The following CLASP1 variants were observed in gnomAD, a reference collection of about 807,000 sequenced individuals.
The protein encoded by CLASP1 is cytoplasmic linker associated protein 1.
CLASP1 carries 38 observed loss-of-function variants against 192.3 expected under a neutral mutation model. The ratio of observed to expected loss-of-function variants is 0.20; its 90% CI spans 0.15 to 0.26. The LOEUF is 0.26. CLASP1 is among the 10% of genes least tolerant of loss of function. CLASP1 has a pLI of 1.00. For missense variants in CLASP1, 1,433 were observed against 1,932.5 expected (o/e 0.74, Z 4.85); for synonymous variants, 691 against 712.8 (o/e 0.97, Z 0.49).
At chr2:121,462,647 C>A (rs752734945) in intron 9 of CLASP1, 42 bp from the exon 10 acceptor site, 12 of 1,138,892 alleles carry the variant, frequency 1.1e-5, no homozygotes, top group South Asian at 1.0e-4. Flanking sequence ...TATGAAACAA[C>A]GTCTATAACA....
intron 1 of CLASP1, among the ~76,000 whole-genome samples, chr2:121,615,156 A>G (rs2066242709): frequency 6.6e-6 from 1 of 152,134 alleles, no homozygotes; most frequent in Non-Finnish European, 1.5e-5. Context: ...CCTGGCCAAC[A>G]TGGCAAAACC....
At chr2:121,507,673 C>A (rs918811983) in intron 7 of CLASP1, among the ~76,000 whole-genome samples, 1 of 152,098 alleles carries the variant, frequency 6.6e-6, no homozygotes, top group Admixed American at 6.5e-5. Flanking sequence ...ATATATTTAA[C>A]AAGCTACTCC....
Position 121,383,257 on chromosome 2 carries a change from G to A in CLASP1, c.3375-933C>T, listed in dbSNP as rs368402750. Among the ~76,000 whole-genome samples, 75 of 152,326 alleles carry A rather than the reference G, an allele frequency of 4.9e-4. 1 individual carries two copies. In the South Asian group the frequency reaches 0.014, roughly 29 times the overall value. ...CCTGCCACTGGCATTCACTGGCATC[G>A]TCACAGCAGGAGCCTCTGCATGCTA... On this transcript the variant is annotated intron_variant, in intron 32 of 39. Coordinates refer to ENST00000263710, the Ensembl canonical transcript of CLASP1.
chr2:121,506,210 G>A (rs1199072310), intron 7 of CLASP1, among the ~76,000 whole-genome samples: 3 of 152,158 alleles, frequency 2.0e-5, no homozygotes, highest in Middle Eastern at 6.3e-3. Flanking sequence ...TGGCAAGTGT[G>A]AAAACCAGCA....
At chr2:121,402,681 CAG>C (rs542400192) in intron 26 of CLASP1, 74 of 518,600 alleles carry the variant, frequency 1.4e-4, no homozygotes, top group South Asian at 9.9e-4. Flanking sequence ...TGACAGGTAA[CAG>C]AAATTTATCA....
chr2:121,632,967 T>G (rs1050814518), intron 1 of CLASP1, among the ~76,000 whole-genome samples: 10 of 86,166 alleles, frequency 1.2e-4, no homozygotes, highest in Admixed American at 7.5e-4. Flanking sequence ...CAGAGGGAGG[T>G]GTGTGTGTGT....
intron 34 of CLASP1, 104 bp from the exon 36 acceptor site, chr2:121,367,935 G>C (rs2149265833): frequency 6.9e-7 from 1 of 1,444,676 alleles, no homozygotes; most frequent in South Asian, 1.3e-5. Flanking sequence ...CTTGAAATAT[G>C]TATGGCCAGT....
chr2:121,448,088 A>C (rs2084706347), intron 18 of CLASP1, among the ~76,000 whole-genome samples, 188 bp downstream of exon 18: 1 of 152,250 alleles, frequency 6.6e-6, no homozygotes, highest in African/African-American at 2.4e-5. Context: ...TGTTGTCCTC[A>C]GCAGCGAGTG....
intron 7 of CLASP1, chr2:121,503,697 T>G (rs2093839342): frequency 6.5e-6 from 1 of 152,826 alleles, no homozygotes; most frequent in Non-Finnish European, 1.5e-5. Flanking sequence ...CTGTGATTCA[T>G]GCTTAATCCA....
At chr2:121,386,750 A>T (rs1329184199) in intron 32 of CLASP1, among the ~76,000 whole-genome samples, 1 of 152,214 alleles carries the variant, frequency 6.6e-6, no homozygotes, top group Non-Finnish European at 1.5e-5. Context: ...TGACTATAAC[A>T]AGTTGGCTTG....
intron 2 of CLASP1, among the ~76,000 whole-genome samples, chr2:121,577,372 C>G (rs1486935024): frequency 1.3e-5 from 2 of 152,032 alleles, no homozygotes; most frequent in Admixed American, 6.6e-5. Flanking sequence ...GATCATAACA[C>G]ATAAAAAGGA....
chr2:121,627,005 T>C (rs181083647), intron 1 of CLASP1, among the ~76,000 whole-genome samples: 2 of 151,800 alleles, frequency 1.3e-5, no homozygotes, highest in East Asian at 3.9e-4. Context: ...AACCATCACA[T>C]GCATTCCCAC....
At chr2:121,404,935 A>G (rs2076695681) in intron 25 of CLASP1, among the ~76,000 whole-genome samples, 1 of 152,212 alleles carries the variant, frequency 6.6e-6, no homozygotes, top group African/African-American at 2.4e-5. Context: ...GAGAGGTACA[A>G]AACAAAAAAG....
chr2:121,648,434 C>T (rs1427985367), intron 1 of CLASP1, among the ~76,000 whole-genome samples: 4 of 152,178 alleles, frequency 2.6e-5, no homozygotes, highest in Admixed American at 2.6e-4. Flanking sequence ...ACGCACCCCA[C>T]TACACAGAAA....
At chr2:121,360,091 TAGTC>T (rs1299944871) in intron 37 of CLASP1, among the ~76,000 whole-genome samples, 6 of 152,232 alleles carry the variant, frequency 3.9e-5, no homozygotes, top group Non-Finnish European at 5.9e-5. Flanking sequence ...TGCAGTCACA[TAGTC>T]AGAGCCACAG....
At chr2:121,452,715 C>T (rs2085749419) in intron 14 of CLASP1, among the ~76,000 whole-genome samples, 4 of 152,032 alleles carry the variant, frequency 2.6e-5, no homozygotes, top group South Asian at 4.1e-4. Flanking sequence ...CACTTGAACC[C>T]GGGAGGCAGA....
Position 121,528,463 on chromosome 2 carries a change from T to C in CLASP1, c.378+214A>G, listed in dbSNP as rs1286357612. The stretch of plus-strand genomic sequence containing the variant: ...AAGTATATTAGATTCAATACCCCCA[T>C]GTTAAATCCACTAATTTACTCATCT... On this transcript the variant is annotated intron_variant, in intron 4 of 39. Transcript: ENST00000263710. Among the ~76,000 whole-genome samples, 3 of 152,248 alleles carry C rather than the reference T, an allele frequency of 2.0e-5. No homozygotes were observed. In the East Asian group the frequency reaches 5.8e-4, roughly 29 times the overall value.
At chr2:121,400,787 T>C (rs552504336) in intron 28 of CLASP1, among the ~76,000 whole-genome samples, 26 of 152,340 alleles carry the variant, frequency 1.7e-4, no homozygotes, top group African/African-American at 6.3e-4. Flanking sequence ...TCTGAGTGAC[T>C]TGGAAGTTAT....
intron 19 of CLASP1, among the ~76,000 whole-genome samples, chr2:121,434,089 A>C (rs1458731698): frequency 3.9e-5 from 6 of 152,198 alleles, no homozygotes; most frequent in Non-Finnish European, 7.4e-5. Flanking sequence ...TGGGAATAGA[A>C]CAATGAACTT....
Sources: gnomAD v4.1 joint callset for allele counts (sites outside exome capture counted in the v4.1 genomes callset) on GRCh38, gnomAD v4.1.1 for gene constraint, MANE v1.5 for transcripts, NCBI Gene and HGNC (gene_info 2026-07-23, HGNC 2026-07-21) for gene names.